PALM2AKAP2: variants seen among roughly 807,000 people sequenced by gnomAD.
PALM2AKAP2 encodes PALM2-AKAP2 fusion protein.
A neutral mutation model predicts 71.5 loss-of-function variants in PALM2AKAP2; 37 were observed. The ratio of observed to expected loss-of-function variants is 0.52; its 90% CI spans 0.40 to 0.68. PALM2AKAP2 has a LOEUF of 0.68. Among genes scored for constraint, PALM2AKAP2 ranks in the 30% least tolerant of loss-of-function variants. The pLI, the probability that PALM2AKAP2 is intolerant of heterozygous loss-of-function variation, is 0.00. For missense variants in PALM2AKAP2, 1,224 were observed against 1,191.8 expected (o/e 1.03, Z -0.40); for synonymous variants, 468 against 478.8 (o/e 0.98, Z 0.29).
intron 6 of PALM2AKAP2, among the ~76,000 whole-genome samples, chr9:109,957,135 G>A (rs374688353): frequency 9.2e-5 from 14 of 152,152 alleles, no homozygotes; most frequent in African/African-American, 2.2e-4. Context: ...GATCACGATC[G>A]TTTAAACAAA....
At chr9:109,864,760 A>C (rs1829403422) in intron 1 of PALM2AKAP2, among the ~76,000 whole-genome samples, 1 of 152,238 alleles carries the variant, frequency 6.6e-6, no homozygotes, top group African/African-American at 2.4e-5. Flanking sequence ...TTTGTTTTAT[A>C]GGAAAAGTGT....
At chr9:110,093,894 T>C (rs1261966330) in intron 1 of PALM2AKAP2, among the ~76,000 whole-genome samples, 1 of 152,238 alleles carries the variant, frequency 6.6e-6, no homozygotes. Flanking sequence ...ATTCCTCTTC[T>C]ATACTCTCGT....
intron 1 of PALM2AKAP2, among the ~76,000 whole-genome samples, chr9:110,058,108 A>C (rs779997388): frequency 5.3e-5 from 8 of 152,196 alleles, no homozygotes; most frequent in Non-Finnish European, 1.2e-4. Flanking sequence ...GCCAATGTTG[A>C]AAAACCCTGG....
intron 3 of PALM2AKAP2, among the ~76,000 whole-genome samples, chr9:110,166,830 C>T (rs1836747750): frequency 6.6e-6 from 1 of 152,148 alleles, no homozygotes; most frequent in South Asian, 2.1e-4. Context: ...TGTCTGGGCT[C>T]CCACCTCTGC....
In PALM2AKAP2 at chr9:109,683,894, T is replaced by C. The variant is rs558221321; in HGVS notation, c.5+43028T>C. ...ATATACATTATATAGTGTATATTGG[T>C]TATATTATAACTGATAATGATCCCC... On this transcript the variant is annotated intron_variant, in intron 1 of 6. Coordinates refer to the PALM2AKAP2 transcript ENST00000374531. Among the ~76,000 whole-genome samples, 178 of 151,680 alleles carry C rather than the reference T, an allele frequency of 1.2e-3. 1 individual carries two copies. Among genetic ancestry groups the C allele is most frequent in the African/African-American group, 4.1e-3 (167 of 41,058 alleles).
upstream of PALM2AKAP2, among the ~76,000 whole-genome samples, chr9:109,778,010 C>T (rs1308321290): frequency 6.6e-6 from 1 of 152,208 alleles, no homozygotes; most frequent in Non-Finnish European, 1.5e-5. Flanking sequence ...TTTCCTTCTC[C>T]ATCTCCCCAT....
chr9:110,158,007 A>T (rs1416045281), intron 3 of PALM2AKAP2, among the ~76,000 whole-genome samples: 1 of 152,170 alleles, frequency 6.6e-6, no homozygotes, highest in African/African-American at 2.4e-5. Context: ...CTGCTGTATT[A>T]GGCTGCAGCT....
At chr9:109,686,280 CA>C (rs1827804570) in intron 1 of PALM2AKAP2, among the ~76,000 whole-genome samples, 1 of 152,156 alleles carries the variant, frequency 6.6e-6, no homozygotes. Flanking sequence ...AGAAGGTTTT[CA>C]ATTTACTTTG....
At chr9:109,681,408 G>A (rs1237985692) in intron 1 of PALM2AKAP2, among the ~76,000 whole-genome samples, 2 of 152,172 alleles carry the variant, frequency 1.3e-5, no homozygotes, top group South Asian at 2.1e-4. Context: ...CCAACTCAAC[G>A]ATGCAATTCA....
chr9:109,737,038 G>T (rs72750870), intron 1 of PALM2AKAP2, among the ~76,000 whole-genome samples: 1 of 152,126 alleles, frequency 6.6e-6, no homozygotes, highest in Non-Finnish European at 1.5e-5. Flanking sequence ...TATAAGGACA[G>T]CATAGTGTAA....
intron 1 of PALM2AKAP2, among the ~76,000 whole-genome samples, chr9:109,822,718 A>G (rs968919302): frequency 6.6e-5 from 10 of 152,034 alleles, no homozygotes; most frequent in African/African-American, 2.2e-4. Context: ...ATTATTTTTT[A>G]TGGCTGTGTT....
chr9:110,035,791 T>C (rs1833393646), intron 7 of PALM2AKAP2, among the ~76,000 whole-genome samples: 1 of 145,532 alleles, frequency 6.9e-6, no homozygotes, highest in Admixed American at 7.0e-5. Flanking sequence ...ATATATAGGA[T>C]ATGTTGTGTG....
At position 109,912,679 on chromosome 9, in the gene PALM2AKAP2, A is replaced by G. The variant is rs1347662771; in HGVS notation, c.258-11056A>G. ...GGTATTAAGATAGATGATAGATAGG[A>G]CAGATAGATTGCTAGAGAGCTAGAT... On this transcript the variant is annotated intron_variant, in intron 3 of 9. Transcript: ENST00000302798. Among the ~76,000 whole-genome samples, 3 of 152,134 alleles carry G rather than the reference A, an allele frequency of 2.0e-5. No individual in the cohort carries two copies. In the East Asian group the frequency reaches 5.8e-4, roughly 29 times the overall value.
chr9:110,058,417 C>T (rs563932635), intron 1 of PALM2AKAP2, among the ~76,000 whole-genome samples: 3 of 152,278 alleles, frequency 2.0e-5, no homozygotes, highest in Non-Finnish European at 2.9e-5. Context: ...GCAACATTCC[C>T]TCCCATTCCC....
At chr9:110,153,889 T>C (rs1317190175) in intron 2 of PALM2AKAP2, among the ~76,000 whole-genome samples, 2 of 152,232 alleles carry the variant, frequency 1.3e-5, no homozygotes, top group African/African-American at 4.8e-5. Context: ...TCCACTGTGC[T>C]GTGTGTGAAA....
intron 1 of PALM2AKAP2, among the ~76,000 whole-genome samples, chr9:109,749,706 A>T (rs1212987248): frequency 6.6e-6 from 1 of 152,150 alleles, no homozygotes; most frequent in Non-Finnish European, 1.5e-5. Context: ...CAGATGTGTG[A>T]TCTCCATCTT....
At chr9:109,716,743 C>T in intron 1 of PALM2AKAP2, among the ~76,000 whole-genome samples, 1 of 152,160 alleles carries the variant, frequency 6.6e-6, no homozygotes, top group East Asian at 1.9e-4. Context: ...GAAGCAATTA[C>T]AGGAAGGTGA....
intron 1 of PALM2AKAP2, among the ~76,000 whole-genome samples, chr9:109,768,362 T>A (rs1430888100): frequency 2.0e-5 from 3 of 152,190 alleles, no homozygotes; most frequent in African/African-American, 7.2e-5. Context: ...GCATATTTTT[T>A]ATTCTTAAAT....
At chr9:109,957,973 A>G (rs1201199269) in intron 6 of PALM2AKAP2, among the ~76,000 whole-genome samples, 2 of 152,232 alleles carry the variant, frequency 1.3e-5, no homozygotes, top group African/African-American at 4.8e-5. Flanking sequence ...GCAAAGCCCA[A>G]GTCTGTCATT....
Sources: gnomAD v4.1 joint callset for allele counts (sites outside exome capture counted in the v4.1 genomes callset) on GRCh38, gnomAD v4.1.1 for gene constraint, MANE v1.5 for transcripts, NCBI Gene and HGNC (gene_info 2026-07-23, HGNC 2026-07-21) for gene names.